Variants in PHLDB2 observed in about 807,000 individuals in gnomAD.
PHLDB2 encodes the protein pleckstrin homology like domain family B member 2, also known as pleckstrin homology-like domain family B member 2.
A neutral mutation model predicts 123.6 loss-of-function variants in PHLDB2; 71 were observed. That is an observed-to-expected ratio of 0.57 (90% CI 0.47 to 0.70). The LOEUF (loss-of-function observed/expected upper bound fraction) is 0.70. Ranked by LOEUF, PHLDB2 falls within the 30% of genes least tolerant of loss-of-function variation. The pLI is 0.00. For synonymous variants in PHLDB2, 547 were observed against 541.6 expected (o/e 1.01, Z -0.14); for missense variants, 1,446 against 1,519.5 (o/e 0.95, Z 0.80).
intron 5 of PHLDB2, among the ~76,000 whole-genome samples, chr3:111,926,547 C>T (rs577242394): frequency 2.1e-4 from 31 of 150,560 alleles, no homozygotes; most frequent in South Asian, 1.3e-3. Context: ...TTTTTTTTCT[C>T]GTAGTTGTTT....
chr3:111,896,232 C>T (rs1461730183), intron 2 of PHLDB2, among the ~76,000 whole-genome samples: 1 of 152,144 alleles, frequency 6.6e-6, no homozygotes, highest in Non-Finnish European at 1.5e-5. Flanking sequence ...GGATTACAGG[C>T]GTGAGCCACC....
chr3:111,802,105 C>G (rs977227667), intron 1 of PHLDB2, among the ~76,000 whole-genome samples: 2 of 152,206 alleles, frequency 1.3e-5, no homozygotes, highest in Non-Finnish European at 2.9e-5. Context: ...ATTTGTGTTA[C>G]TTGTGATGAT....
chr3:111,932,241 A>T lies in PHLDB2; in HGVS notation c.2002-28A>T, dbSNP rs181331181. The T allele has an allele frequency of 5.2e-5, 80 of 1,547,944 alleles. No homozygotes were observed. In the African/African-American group the frequency reaches 1.1e-3, roughly 20 times the overall value. ...GCTTGGGGGTGTGAAGGTAATTTCT[A>T]TTCTATTTTCTGGTTTCTGAACTTC... On this transcript the variant is annotated intron_variant, in intron 5 of 17. Coordinates refer to ENST00000431670, the MANE Select transcript of PHLDB2 (RefSeq NM_001134438.2).
chr3:111,949,186 G>C (rs1471089105), intron 10 of PHLDB2, 111 bp downstream of exon 10: 37 of 1,287,394 alleles, frequency 2.9e-5, no homozygotes, highest in Non-Finnish European at 4.0e-5. Context: ...ATGTATATCT[G>C]TTTGGCCAGA....
intron 6 of PHLDB2, among the ~76,000 whole-genome samples, chr3:111,933,759 A>G (rs1345143034): frequency 6.6e-6 from 1 of 152,222 alleles, no homozygotes; most frequent in African/African-American, 2.4e-5. Flanking sequence ...TATGCTAGTT[A>G]ACAAAAGAGA....
chr3:111,781,161 A>G (rs1184814354), intron 1 of PHLDB2, among the ~76,000 whole-genome samples: 1 of 152,178 alleles, frequency 6.6e-6, no homozygotes, highest in East Asian at 1.9e-4. Context: ...TGATGTCATA[A>G]TCAAGAAAAA....
rs1244110389 is a variant in PHLDB2 at position 111,885,006 on chromosome 3, G to C, written c.929G>C (p.Gly310Ala). The change falls in exon 2 of 18, where the codon GGG becomes GCG. Residue 310 changes from glycine (G) to alanine (A), a missense_variant. Transcript: ENST00000431670. ...NYLNFSSLSS[G>A]ALPYKTSASE... ...CTTAATTTTTCTTCTTTGAGCTCAG[G>C]GGCTTTACCCTATAAAACCTCTGCT... is the stretch of plus-strand genomic sequence containing the variant. The C allele has an allele frequency of 1.9e-6, 3 of 1,614,034 alleles. No individual in the cohort carries two copies. The highest frequency in any genetic ancestry group is 3.3e-5 in the Admixed American group (2 of 60,010).
intron 1 of PHLDB2, among the ~76,000 whole-genome samples, chr3:111,822,059 G>A (rs970427192): frequency 3.3e-5 from 5 of 152,058 alleles, no homozygotes; most frequent in African/African-American, 1.2e-4. Context: ...TTGAATTTCA[G>A]TTTTCAGGAA....
At chr3:111,758,720 GGA>G (rs1402659610) in intron 1 of PHLDB2, among the ~76,000 whole-genome samples, 1 of 152,204 alleles carries the variant, frequency 6.6e-6, no homozygotes, top group Non-Finnish European at 1.5e-5. Flanking sequence ...GCTGCAGACT[GGA>G]GCTGTTCCTA....
intron 16 of PHLDB2, among the ~76,000 whole-genome samples, chr3:111,971,425 T>C (rs1330252734): frequency 6.7e-6 from 1 of 149,890 alleles, no homozygotes; most frequent in African/African-American, 2.4e-5. Flanking sequence ...CCAAAACTTC[T>C]GGTGACTGAT....
chr3:111,897,950 C>T (rs1229771388), intron 2 of PHLDB2, among the ~76,000 whole-genome samples: 1 of 152,150 alleles, frequency 6.6e-6, no homozygotes, highest in Non-Finnish European at 1.5e-5. Context: ...TTACACTATA[C>T]TGTAATATAT....
intron 1 of PHLDB2, among the ~76,000 whole-genome samples, chr3:111,843,216 A>G (rs2063774421): frequency 1.3e-5 from 2 of 152,214 alleles, no homozygotes; most frequent in Admixed American, 6.5e-5. Flanking sequence ...CAAACACCCT[A>G]TGAGTGCTCC....
chr3:111,926,892 C>T (rs2068841801), intron 5 of PHLDB2, among the ~76,000 whole-genome samples: 1 of 152,168 alleles, frequency 6.6e-6, no homozygotes, highest in Non-Finnish European at 1.5e-5. Flanking sequence ...CTGGAAATGT[C>T]ATATAATATA....
At chr3:111,943,499 G>A (rs1355379186) in intron 8 of PHLDB2, among the ~76,000 whole-genome samples, 2 of 151,974 alleles carry the variant, frequency 1.3e-5, no homozygotes, top group Non-Finnish European at 2.9e-5. Flanking sequence ...AATGACAAAA[G>A]ACTTGTATCC....
intron 1 of PHLDB2, among the ~76,000 whole-genome samples, chr3:111,830,725 C>A (rs1183406419): frequency 3.1e-5 from 4 of 130,040 alleles, no homozygotes; most frequent in African/African-American, 1.1e-4. Context: ...AGGAGAATGG[C>A]GTGAACCCGG....
intron 2 of PHLDB2, among the ~76,000 whole-genome samples, chr3:111,902,307 A>G (rs867241530): frequency 6.6e-6 from 1 of 152,204 alleles, no homozygotes; most frequent in Middle Eastern, 3.4e-3. Flanking sequence ...GAAAATCAAA[A>G]TAGGCTGGGC....
chr3:111,884,703 G>GA lies in PHLDB2; in HGVS notation c.626_627insA (p.Lys210GlufsTer16), dbSNP rs1352628938. 1 of 1,614,028 alleles carries GA rather than the reference G, an allele frequency of 6.2e-7. No homozygotes were observed. Among genetic ancestry groups the GA allele is most frequent in the Non-Finnish European group, 8.5e-7 (1 of 1,180,042 alleles). Reference sequence around the variant, plus strand: ...ATGCCTTCAAGCCCAAAGCAAGCCAGGAAAATGAGCATTCAGGACAGCCTG... The same window carrying GA: ...ATGCCTTCAAGCCCAAAGCAAGCCAGAGAAAATGAGCATTCAGGACAGCCTG... On this transcript the variant is annotated frameshift_variant, in exon 2 of 18. Coordinates refer to ENST00000431670, the MANE Select transcript of PHLDB2 (RefSeq NM_001134438.2). LOFTEE classifies it high-confidence loss of function.
chr3:111,960,090 A>G (rs1428410971), intron 12 of PHLDB2: 3 of 659,526 alleles, frequency 4.5e-6, no homozygotes, highest in Non-Finnish European at 3.8e-6. Context: ...TTTTCAAATA[A>G]TTTCTGTTGT....
At chr3:111,944,767 G>A (rs1307229041) in intron 8 of PHLDB2, among the ~76,000 whole-genome samples, 3 of 151,934 alleles carry the variant, frequency 2.0e-5, no homozygotes. Context: ...TGCAACCTCC[G>A]CCTCATGCCA....
Sources: allele counts gnomAD v4.1 joint callset (sites outside exome capture counted in the v4.1 genomes callset), GRCh38; gene constraint gnomAD v4.1.1; transcripts MANE v1.5; gene names NCBI Gene and HGNC (gene_info 2026-07-23, HGNC 2026-07-21).